The following DLG2 variants were observed in gnomAD, a reference collection of about 807,000 sequenced individuals.
DLG2 encodes discs large MAGUK scaffold protein 2, also known as disks large homolog 2.
In DLG2, 45 loss-of-function variants were observed where a neutral mutation model predicts 132.5. That is an observed-to-expected ratio of 0.34 (90% CI 0.27 to 0.44). DLG2 has a LOEUF of 0.44. Ranked by LOEUF, DLG2 falls within the 20% of genes least tolerant of loss-of-function variation. The probability of loss-of-function intolerance (pLI) is 1.00; values close to 1 mark genes in which losing one functional copy is unlikely to be tolerated. For missense variants in DLG2, 1,045 were observed against 1,196.9 expected, an observed-to-expected ratio of 0.87 and a Z score of 1.87; for synonymous variants, 424 against 419.6, an observed-to-expected ratio of 1.01 and a Z score of -0.13.
chr11:83,566,237 G>T (rs1274393683), intron 19 of DLG2, among the ~76,000 whole-genome samples: 1 of 152,198 alleles, frequency 6.6e-6, no homozygotes, highest in East Asian at 1.9e-4. Context: ...CAGTGATGAT[G>T]ATAGATACTG....
At chr11:85,427,738 C>T (rs990812650) in intron 3 of DLG2, among the ~76,000 whole-genome samples, 8 of 152,196 alleles carry the variant, frequency 5.3e-5, no homozygotes, top group African/African-American at 1.9e-4. Flanking sequence ...AAATAACCAG[C>T]TGACATCATA....
intron 3 of DLG2, among the ~76,000 whole-genome samples, chr11:85,509,139 G>A (rs1014234264): frequency 6.6e-6 from 1 of 151,972 alleles, no homozygotes; most frequent in Admixed American, 6.6e-5. Flanking sequence ...GTGAGTTTTA[G>A]GACTTACAGA....
At chr11:85,235,882 C>G (rs2075560441) in intron 4 of DLG2, among the ~76,000 whole-genome samples, 1 of 151,562 alleles carries the variant, frequency 6.6e-6, no homozygotes, top group Non-Finnish European at 1.5e-5. Context: ...ATAAAATAAT[C>G]AAAGGGGTAC....
intron 7 of DLG2, among the ~76,000 whole-genome samples, chr11:84,402,756 C>T (rs1247322094): frequency 1.3e-5 from 2 of 151,840 alleles, no homozygotes; most frequent in African/African-American, 4.8e-5. Flanking sequence ...GTGGCGGGCG[C>T]CTGTAGTCTC....
intron 6 of DLG2, among the ~76,000 whole-genome samples, chr11:84,543,221 C>T (rs929299331): frequency 2.0e-5 from 3 of 152,132 alleles, no homozygotes; most frequent in Non-Finnish European, 4.4e-5. Context: ...TCCATTCTTT[C>T]AGAATGGTTA....
chr11:84,376,562 C>T (rs80161563), intron 7 of DLG2, among the ~76,000 whole-genome samples: 7,872 of 151,916 alleles, frequency 0.052, 688 homozygotes, highest in African/African-American at 0.18. Context: ...AAAGCCAAGT[C>T]TAAAAACTTT....
At chr11:84,652,473 G>A (rs1565566169) in intron 6 of DLG2, among the ~76,000 whole-genome samples, 1 of 152,062 alleles carries the variant, frequency 6.6e-6, no homozygotes, top group Non-Finnish European at 1.5e-5. Context: ...ACAGGAGCAG[G>A]ATCATGTTTA....
intron 6 of DLG2, among the ~76,000 whole-genome samples, chr11:84,743,143 A>G (rs925923261): frequency 6.6e-6 from 1 of 152,136 alleles, no homozygotes; most frequent in African/African-American, 2.4e-5. Flanking sequence ...TGTACCATCC[A>G]CCCAGTTTCC....
rs148323536 is a variant in DLG2 at position 83,551,703 on chromosome 11, C to T, written c.1941-9845G>A. On this transcript the variant is annotated intron_variant, in intron 19 of 27. Coordinates refer to ENST00000376104, the MANE Select transcript of DLG2 (RefSeq NM_001142699.3). ...TAAATCTCATATGCCCGTAAAGTTT[C>T]CCATTATCACCTGTTGACTAGAGAT... Among the ~76,000 whole-genome samples, 26 of 152,212 alleles carry T rather than the reference C, an allele frequency of 1.7e-4. No homozygotes were observed. In the East Asian group the frequency reaches 3.3e-3, roughly 19 times the overall value.
chr11:85,452,605 C>A, intron 3 of DLG2: 1 of 202,546 alleles, frequency 4.9e-6, no homozygotes, highest in Non-Finnish European at 1.1e-5. Context: ...ATTGTCATAT[C>A]AGGCCATCTT....
intron 11 of DLG2, among the ~76,000 whole-genome samples, chr11:83,998,390 G>A (rs2094162026): frequency 6.6e-6 from 1 of 152,186 alleles, no homozygotes; most frequent in African/African-American, 2.4e-5. Flanking sequence ...AAGAACCAAA[G>A]TAGTGAGTAG....
rs149279446 is a variant in DLG2 at position 85,607,475 on chromosome 11, C to T, written c.-92-8687G>A. On this transcript the variant is annotated intron_variant, in intron 2 of 27. Coordinates refer to ENST00000376104, the MANE Select transcript of DLG2 (RefSeq NM_001142699.3). ...CTTGATCCTTGCCCCCGGGTCCTAA[C>T]GCCTGCCAGATAAACTTCCTCTCAC... is the stretch of plus-strand genomic sequence containing the variant. Among the ~76,000 whole-genome samples the T allele has an allele frequency of 4.3e-4, 66 of 152,346 alleles. No homozygotes were observed. In the East Asian group the frequency reaches 0.011, roughly 26 times the overall value.
chr11:83,892,697 A>G (rs897808395), intron 15 of DLG2, among the ~76,000 whole-genome samples: 9 of 120,810 alleles, frequency 7.4e-5, no homozygotes, highest in African/African-American at 3.0e-4. Flanking sequence ...TTTGCAAAGA[A>G]TTAAAAAAAA....
At chr11:85,015,348 T>TA (rs1270860607) in intron 6 of DLG2, among the ~76,000 whole-genome samples, 47 of 152,114 alleles carry the variant, frequency 3.1e-4, no homozygotes, top group African/African-American at 1.1e-3. Flanking sequence ...ATTTTATTCT[T>TA]TAATTATAAG....
At chr11:84,134,775 CA>C (rs2094542197) in intron 9 of DLG2, among the ~76,000 whole-genome samples, 1 of 151,058 alleles carries the variant, frequency 6.6e-6, no homozygotes, top group African/African-American at 2.4e-5. Flanking sequence ...TATGTTTGTA[CA>C]ACTGATATAT....
At chr11:85,503,899 T>C (rs1169988438) in intron 3 of DLG2, among the ~76,000 whole-genome samples, 2 of 152,064 alleles carry the variant, frequency 1.3e-5, no homozygotes, top group East Asian at 3.9e-4. Context: ...GTCACTGTAC[T>C]CCAGCCTGGG....
At chr11:84,699,520 A>G (rs957644973) in intron 6 of DLG2, among the ~76,000 whole-genome samples, 3 of 151,534 alleles carry the variant, frequency 2.0e-5, no homozygotes, top group Non-Finnish European at 1.5e-5. Flanking sequence ...GACTAACTCA[A>G]GCAAAGTAAG....
At chr11:83,716,633 T>G (rs2086767804) in intron 18 of DLG2, among the ~76,000 whole-genome samples, 1 of 152,232 alleles carries the variant, frequency 6.6e-6, no homozygotes, top group South Asian at 2.1e-4. Flanking sequence ...TATACCCATT[T>G]TGCAGATAGA....
At chr11:84,293,348 G>T (rs2154376964) in intron 7 of DLG2, among the ~76,000 whole-genome samples, 1 of 151,988 alleles carries the variant, frequency 6.6e-6, no homozygotes, top group South Asian at 2.1e-4. Context: ...TAAGACAAAA[G>T]GTCATCACAC....
Sources: allele counts gnomAD v4.1 joint callset (sites outside exome capture counted in the v4.1 genomes callset), GRCh38; gene constraint gnomAD v4.1.1; transcripts MANE v1.5; gene names NCBI Gene and HGNC (gene_info 2026-07-23, HGNC 2026-07-21).